Variants in PCDH15 observed in about 807,000 individuals in gnomAD.
PCDH15 encodes the protein protocadherin related 15.
PCDH15 carries 129 observed loss-of-function variants against 178.5 expected under a neutral mutation model. The ratio of observed to expected loss-of-function variants is 0.72; its 90% CI spans 0.63 to 0.84. PCDH15 has a LOEUF of 0.84. PCDH15 is among the 40% of genes least tolerant of loss of function. PCDH15 has a pLI of 0.00. For missense variants in PCDH15, 2,230 were observed against 2,099.9 expected (o/e 1.06, Z -1.21); for synonymous variants, 800 against 732.0 (o/e 1.09, Z -1.50).
At chr10:54,516,975 A>T (rs2082297051) in intron 3 of PCDH15, among the ~76,000 whole-genome samples, 1 of 152,028 alleles carries the variant, frequency 6.6e-6, no homozygotes, top group South Asian at 2.1e-4. Flanking sequence ...TCATAAGTGA[A>T]GGAGAAATAA....
chr10:55,559,149 T>G (rs77710997), intron 2 of PCDH15, among the ~76,000 whole-genome samples: 142 of 152,152 alleles, frequency 9.3e-4, no homozygotes, highest in African/African-American at 3.3e-3. Context: ...CACAGCACTT[T>G]GTAAGGCACA....
rs1204084420 is a variant in PCDH15 at position 55,395,243 on chromosome 10, G to A, written c.-155-228592C>T. 4.0e-5 allele frequency among the ~76,000 whole-genome samples: 6 copies of A among 149,418 alleles called. No individual in the cohort carries two copies. In the South Asian group the frequency reaches 6.4e-4, roughly 16 times the overall value. The stretch of plus-strand genomic sequence containing the variant: ...AGAGAGAGAGAGAGAAAGAGACTAC[G>A]TACGTTTTAATGTGTAGTTTTCTAT... On this transcript the variant is annotated intron_variant, in intron 2 of 5. Transcript: ENST00000613346.
At chr10:54,176,960 A>AG (rs1287967263) in intron 13 of PCDH15, among the ~76,000 whole-genome samples, 1 of 151,922 alleles carries the variant, frequency 6.6e-6, no homozygotes, top group African/African-American at 2.4e-5. Flanking sequence ...TCCATGTAAA[A>AG]AAAAAAACTT....
intron 2 of PCDH15, among the ~76,000 whole-genome samples, chr10:55,050,573 C>A (rs1270626814): frequency 6.6e-6 from 1 of 152,002 alleles, no homozygotes; most frequent in Non-Finnish European, 1.5e-5. Flanking sequence ...GCTAAAAGTG[C>A]ATCAAAAGAA....
At chr10:54,202,130 C>T (rs1431248544) in intron 10 of PCDH15, among the ~76,000 whole-genome samples, 4 of 152,168 alleles carry the variant, frequency 2.6e-5, no homozygotes. Context: ...GGCTTAGATA[C>T]ATTTTATTGT....
At chr10:55,352,576 C>T (rs1050009036) in intron 2 of PCDH15, among the ~76,000 whole-genome samples, 11 of 152,114 alleles carry the variant, frequency 7.2e-5, no homozygotes, top group East Asian at 3.9e-4. Context: ...AACCATTCTA[C>T]GGTTGTTCAG....
chr10:54,828,924 T>C (rs1307788576), intron 3 of PCDH15, among the ~76,000 whole-genome samples: 2 of 151,958 alleles, frequency 1.3e-5, no homozygotes, highest in Non-Finnish European at 2.9e-5. Context: ...GTACTACACA[T>C]TTTGGGAATC....
At chr10:54,601,007 T>G (rs2092501500) in intron 2 of PCDH15, among the ~76,000 whole-genome samples, 1 of 152,046 alleles carries the variant, frequency 6.6e-6, no homozygotes, top group Non-Finnish European at 1.5e-5. Context: ...AGAACTCTCT[T>G]AGCCTTAAGA....
At chr10:54,018,013 C>A (rs1230972946) in intron 20 of PCDH15, among the ~76,000 whole-genome samples, 1 of 152,138 alleles carries the variant, frequency 6.6e-6, no homozygotes, top group East Asian at 1.9e-4. Context: ...AAACCACTAG[C>A]ATATGGCTAG....
At chr10:54,069,909 A>AAT (rs2094207676) in intron 17 of PCDH15, among the ~76,000 whole-genome samples, 4 of 152,082 alleles carry the variant, frequency 2.6e-5, no homozygotes, top group South Asian at 2.1e-4. Flanking sequence ...TTTAAATATG[A>AAT]ATATATATAT....
At chr10:55,201,026 A>T (rs1353483632) in intron 1 of PCDH15, among the ~76,000 whole-genome samples, 1 of 152,140 alleles carries the variant, frequency 6.6e-6, no homozygotes, top group African/African-American at 2.4e-5. Flanking sequence ...GAGATTGATT[A>T]ATGACCTAGG....
intron 3 of PCDH15, among the ~76,000 whole-genome samples, chr10:54,421,820 A>ATATATATATATATACACACACACAC (rs1565230582): frequency 1.9e-5 from 2 of 106,122 alleles, no homozygotes; most frequent in East Asian, 4.3e-4. Flanking sequence ...GTGTGTGTAT[A>ATATATATATATATACACACACACAC]TATATATATA....
intron 1 of PCDH15, among the ~76,000 whole-genome samples, chr10:55,201,783 A>G (rs1470477418): frequency 3.3e-5 from 5 of 152,180 alleles, no homozygotes; most frequent in Non-Finnish European, 2.9e-5. Flanking sequence ...TATGACTTCT[A>G]AGCTTTTTTG....
At chr10:54,489,046 C>T (rs906244412) in intron 3 of PCDH15, among the ~76,000 whole-genome samples, 1 of 151,914 alleles carries the variant, frequency 6.6e-6, no homozygotes, top group African/African-American at 2.4e-5. Flanking sequence ...TCCATGTAAC[C>T]TTCTGACATG....
intron 2 of PCDH15, among the ~76,000 whole-genome samples, chr10:55,366,944 T>TG (rs71014477): frequency 2.0e-5 from 3 of 151,828 alleles, no homozygotes; most frequent in Non-Finnish European, 4.4e-5. Context: ...TGTGTGTGTG[T>TG]TTCACTTGCT....
chr10:55,550,978 C>G (rs967484681), intron 2 of PCDH15, among the ~76,000 whole-genome samples: 1 of 151,860 alleles, frequency 6.6e-6, no homozygotes, highest in African/African-American at 2.4e-5. Flanking sequence ...TAGAGGAGTA[C>G]GTTAAATTAT....
chr10:55,309,069 C>A (rs1029752349), intron 1 of PCDH15, among the ~76,000 whole-genome samples: 1 of 152,172 alleles, frequency 6.6e-6, no homozygotes, highest in Admixed American at 6.5e-5. Context: ...TACAGGAATA[C>A]TACAACTCAG....
chr10:54,936,702 T>C (rs1837915612), intron 2 of PCDH15, among the ~76,000 whole-genome samples: 1 of 150,214 alleles, frequency 6.7e-6, no homozygotes, highest in African/African-American at 2.4e-5. Flanking sequence ...ATTACTTTTT[T>C]GCACATTTTT....
chr10:55,500,237 G>A (rs1840625768), intron 2 of PCDH15, among the ~76,000 whole-genome samples: 3 of 151,658 alleles, frequency 2.0e-5, no homozygotes, highest in Non-Finnish European at 2.9e-5. Flanking sequence ...ATTTCCTATA[G>A]TTGCACCAAT....
Sources: allele counts gnomAD v4.1 joint callset (sites outside exome capture counted in the v4.1 genomes callset), GRCh38; gene constraint gnomAD v4.1.1; transcripts MANE v1.5; gene names NCBI Gene and HGNC (gene_info 2026-07-23, HGNC 2026-07-21).